ROBO2: variants seen among roughly 807,000 people sequenced by gnomAD.
ROBO2 encodes the protein roundabout guidance receptor 2, also known as roundabout homolog 2.
Under a neutral mutation model 160.8 loss-of-function variants are expected in ROBO2, and 53 were observed. That is an observed-to-expected ratio of 0.33 (90% CI 0.26 to 0.41). The LOEUF (loss-of-function observed/expected upper bound fraction) is 0.41, where lower values mean the gene tolerates loss of function less well. Among genes scored for constraint, ROBO2 ranks in the 10% least tolerant of loss-of-function variants. ROBO2 has a pLI of 1.00. For synonymous variants in ROBO2, 664 were observed against 611.7 expected (o/e 1.09, Z -1.26); for missense variants, 1,577 against 1,722.4 (o/e 0.92, Z 1.49).
intron 2 of ROBO2, among the ~76,000 whole-genome samples, chr3:77,127,052 G>A (rs1212026392): frequency 6.6e-6 from 1 of 150,462 alleles, no homozygotes; most frequent in Non-Finnish European, 1.5e-5. Context: ...GCCTCCCAAA[G>A]TGCTGGGATT....
At chr3:76,112,305 G>T (rs1186042370) in intron 2 of ROBO2, among the ~76,000 whole-genome samples, 1 of 151,970 alleles carries the variant, frequency 6.6e-6, no homozygotes, top group South Asian at 2.1e-4. Flanking sequence ...GCAAAACATA[G>T]TACTATTATT....
intron 2 of ROBO2, among the ~76,000 whole-genome samples, chr3:77,104,993 T>C (rs974670501): frequency 6.6e-6 from 1 of 152,204 alleles, no homozygotes; most frequent in Non-Finnish European, 1.5e-5. Context: ...GTTCTGTTTG[T>C]ATTTGTTCTG....
chr3:76,579,047 T>C (rs2085486743), intron 2 of ROBO2, among the ~76,000 whole-genome samples: 1 of 152,182 alleles, frequency 6.6e-6, no homozygotes, highest in Non-Finnish European at 1.5e-5. Context: ...AGCACTATTC[T>C]TCCCACCTTA....
At chr3:77,415,139 G>C (rs970540953) in intron 2 of ROBO2, among the ~76,000 whole-genome samples, 2 of 152,188 alleles carry the variant, frequency 1.3e-5, no homozygotes, top group Non-Finnish European at 2.9e-5. Flanking sequence ...TCAGTTGTTT[G>C]TAAGTGCAGA....
intron 2 of ROBO2, among the ~76,000 whole-genome samples, chr3:76,758,876 T>C (rs2061139914): frequency 6.6e-6 from 1 of 151,880 alleles, no homozygotes; most frequent in Non-Finnish European, 1.5e-5. Context: ...GAGAATGGTA[T>C]GTGTATGTAT....
chr3:77,524,893 T>C (rs1171803906), intron 6 of ROBO2, among the ~76,000 whole-genome samples: 1 of 151,226 alleles, frequency 6.6e-6, no homozygotes, highest in Non-Finnish European at 1.5e-5. Context: ...TTATCACCTC[T>C]CTAAGACTGA....
At chr3:76,583,423 C>A (rs143424445) in intron 2 of ROBO2, among the ~76,000 whole-genome samples, 1 of 152,096 alleles carries the variant, frequency 6.6e-6, no homozygotes, top group African/African-American at 2.4e-5. Flanking sequence ...AAACACTTTC[C>A]GGAACATTCT....
chr3:76,116,924 A>C (rs190971218), intron 2 of ROBO2, among the ~76,000 whole-genome samples: 1 of 152,172 alleles, frequency 6.6e-6, no homozygotes, highest in Non-Finnish European at 1.5e-5. Flanking sequence ...TACTCTAGCT[A>C]GTAGATTTCT....
chr3:77,522,568 ACTGACAAAC>A (rs2090714795), intron 5 of ROBO2, among the ~76,000 whole-genome samples, 198 bp from the exon 6 acceptor site: 1 of 151,288 alleles, frequency 6.6e-6, no homozygotes, highest in Non-Finnish European at 1.5e-5. Context: ...AGTATAGGTA[ACTGACAAAC>A]AGCTAAAGAT....
intron 2 of ROBO2, among the ~76,000 whole-genome samples, chr3:76,952,771 G>GT (rs1180792221): frequency 6.6e-6 from 1 of 151,830 alleles, no homozygotes; most frequent in Non-Finnish European, 1.5e-5. Context: ...CACTATATTT[G>GT]TTTTTCTCCT....
intron 2 of ROBO2, among the ~76,000 whole-genome samples, chr3:77,109,969 G>A (rs1341058971): frequency 6.6e-6 from 1 of 152,132 alleles, no homozygotes; most frequent in Admixed American, 6.5e-5. Flanking sequence ...TAGCATTTTG[G>A]CGCAAACAAT....
chr3:76,576,719 T>G (rs2085324227), intron 2 of ROBO2, among the ~76,000 whole-genome samples: 1 of 142,084 alleles, frequency 7.0e-6, no homozygotes, highest in Non-Finnish European at 1.5e-5. Context: ...TTTTTTTTTT[T>G]TTTGACAGAG....
intron 2 of ROBO2, among the ~76,000 whole-genome samples, chr3:76,106,809 G>A (rs2069955644): frequency 6.6e-6 from 1 of 152,038 alleles, no homozygotes; most frequent in Non-Finnish European, 1.5e-5. Flanking sequence ...TAATACCACA[G>A]CCCTTTTCTG....
In ROBO2 at chr3:76,365,476, G is replaced by A. The variant is rs148885436; in HGVS notation, c.109+427874G>A. The stretch of plus-strand genomic sequence containing the variant: ...TTTTCGCTATGCAGAGGCTAACTGG[G>A]GATCTGTCTATTAGAAATTACTCAT... On this transcript the variant is annotated intron_variant, in intron 2 of 26. Transcript: ENST00000487694. Among the ~76,000 whole-genome samples the A allele has an allele frequency of 5.7e-3, 868 of 152,094 alleles. 22 individuals carry two copies. The highest frequency in any genetic ancestry group is 0.042 in the Admixed American group (646 of 15,238).
intron 1 of ROBO2, among the ~76,000 whole-genome samples, chr3:77,086,724 C>T (rs2069374145): frequency 6.6e-6 from 1 of 152,116 alleles, no homozygotes; most frequent in Non-Finnish European, 1.5e-5. Context: ...ATCCCTTGGA[C>T]ATGATGCAAC....
At chr3:76,029,637 A>G (rs2066854792) in intron 2 of ROBO2, among the ~76,000 whole-genome samples, 1 of 151,930 alleles carries the variant, frequency 6.6e-6, no homozygotes, top group South Asian at 2.1e-4. Context: ...TGTCTTTGTG[A>G]CAGTTTGCTC....
intron 2 of ROBO2, among the ~76,000 whole-genome samples, chr3:77,428,380 G>A (rs1251150527): frequency 2.3e-4 from 27 of 117,108 alleles, no homozygotes; most frequent in African/African-American, 8.5e-4. Context: ...ACGGAGTCTC[G>A]CTCTGTCACC....
In ROBO2 at chr3:77,356,143, A is replaced by G. The variant is rs114644117; in HGVS notation, c.389-121271A>G. On this transcript the variant is annotated intron_variant, in intron 2 of 25. Transcript: ENST00000461745. ...TGTTGGTTTATTGGCATAATAAAATATTATGCAACCATTAAGAAGAATGAG... is the reference window on the plus strand; with the variant it reads ...TGTTGGTTTATTGGCATAATAAAATGTTATGCAACCATTAAGAAGAATGAG... 2.3e-3 allele frequency among the ~76,000 whole-genome samples: 345 copies of G among 152,326 alleles called. 4 individuals are homozygous for G. Among genetic ancestry groups the G allele is most frequent in the African/African-American group, 7.6e-3 (318 of 41,580 alleles).
intron 2 of ROBO2, among the ~76,000 whole-genome samples, chr3:76,340,368 A>G (rs1019927146): frequency 6.6e-6 from 1 of 152,142 alleles, no homozygotes. Context: ...CTCCTTGACC[A>G]TGTTCAAGAA....
Sources: allele counts gnomAD v4.1 joint callset (sites outside exome capture counted in the v4.1 genomes callset), GRCh38; gene constraint gnomAD v4.1.1; transcripts MANE v1.5; gene names NCBI Gene and HGNC (gene_info 2026-07-23, HGNC 2026-07-21).